SLC24A2: variants seen among roughly 807,000 people sequenced by gnomAD.
SLC24A2 encodes the protein sodium/potassium/calcium exchanger 2.
In SLC24A2, 36 loss-of-function variants were observed where a neutral mutation model predicts 62.0. That is an observed-to-expected ratio of 0.58 (90% CI 0.44 to 0.77). The LOEUF (loss-of-function observed/expected upper bound fraction) is 0.77, where lower values mean the gene tolerates loss of function less well. Among genes scored for constraint, SLC24A2 ranks in the 30% least tolerant of loss-of-function variants. SLC24A2 has a pLI of 0.00. For missense variants in SLC24A2, 846 were observed against 817.9 expected (o/e 1.03, Z -0.42); for synonymous variants, 358 against 294.0 (o/e 1.22, Z -2.23).
the SLC24A2 span, among the ~76,000 whole-genome samples, chr9:20,217,533 G>A: frequency 6.6e-6 from 1 of 152,192 alleles, no homozygotes; most frequent in Non-Finnish European, 1.5e-5. Context: ...ACAAGCTGGT[G>A]CTGGGAGCAG....
the SLC24A2 span, among the ~76,000 whole-genome samples, chr9:20,279,528 T>C: frequency 2.6e-5 from 4 of 152,302 alleles, no homozygotes; most frequent in African/African-American, 7.2e-5. Context: ...TGAAACTCTG[T>C]CTTAAAAAAT....
At chr9:20,040,011 A>AAC in the SLC24A2 span, among the ~76,000 whole-genome samples, 1 of 152,332 alleles carries the variant, frequency 6.6e-6, no homozygotes, top group Non-Finnish European at 1.5e-5. Context: ...TGAGTAACTA[A>AAC]ACACTAACTT....
chr9:20,261,733 CT>C, the SLC24A2 span, among the ~76,000 whole-genome samples: 289 of 75,240 alleles, frequency 3.8e-3, no homozygotes, highest in Middle Eastern at 0.018. Context: ...AACACCAAAT[CT>C]TTTTTTTTTT....
the SLC24A2 span, among the ~76,000 whole-genome samples, chr9:20,202,050 GGTGTGTGTGTGTGT>G: frequency 4.4e-4 from 63 of 141,782 alleles, no homozygotes; most frequent in African/African-American, 7.5e-4. Context: ...CCCATTTCAT[GGTGTGTGTGTGTGT>G]GTGTGTGTGT....
chr9:19,891,048 T>G, the SLC24A2 span, among the ~76,000 whole-genome samples: 1 of 152,230 alleles, frequency 6.6e-6, no homozygotes, highest in Non-Finnish European at 1.5e-5. Flanking sequence ...ACACCTTTGA[T>G]TTCTCTTCTT....
At chr9:19,832,874 G>A in the SLC24A2 span, among the ~76,000 whole-genome samples, 3 of 152,026 alleles carry the variant, frequency 2.0e-5, no homozygotes, top group Admixed American at 6.6e-5. Flanking sequence ...AATCTACAAT[G>A]AACTCAAACA....
At chr9:20,083,059 A>T in the SLC24A2 span, among the ~76,000 whole-genome samples, 5 of 152,174 alleles carry the variant, frequency 3.3e-5, no homozygotes, top group African/African-American at 1.2e-4. Context: ...GGGGTCATTA[A>T]GCATATCTCC....
chr9:20,276,426 T>C, the SLC24A2 span, among the ~76,000 whole-genome samples: 2 of 152,344 alleles, frequency 1.3e-5, no homozygotes, highest in East Asian at 1.9e-4. Context: ...TGGGTTCCCA[T>C]GGTCTTGGGC....
Position 19,627,524 on chromosome 9 carries a change from T to G in SLC24A2, c.931-5225A>C, listed in dbSNP as rs547346127. On this transcript the variant is annotated intron_variant, in intron 2 of 10. Transcript: ENST00000341998. ...TGTAATCAGAGTCTCCAAAATTTCTTGATCATATACCATTATCAGATAGAG... is the reference window on the plus strand; with the variant it reads ...TGTAATCAGAGTCTCCAAAATTTCTGGATCATATACCATTATCAGATAGAG... 2.9e-3 allele frequency among the ~76,000 whole-genome samples: 449 copies of G among 152,250 alleles called. 2 individuals carry two copies. Among genetic ancestry groups the G allele is most frequent in the Non-Finnish European group, 4.5e-3 (306 of 68,010 alleles).
the SLC24A2 span, among the ~76,000 whole-genome samples, chr9:20,001,489 C>T: frequency 2.0e-5 from 3 of 152,184 alleles, no homozygotes; most frequent in African/African-American, 7.2e-5. Context: ...TGAGAATAAG[C>T]ATAACTGTCC....
At chr9:19,836,491 A>G in the SLC24A2 span, among the ~76,000 whole-genome samples, 1 of 152,238 alleles carries the variant, frequency 6.6e-6, no homozygotes, top group African/African-American at 2.4e-5. Flanking sequence ...AAATGGATAA[A>G]TTCCTCAACA....
At chr9:19,870,119 C>A in the SLC24A2 span, among the ~76,000 whole-genome samples, 2 of 152,162 alleles carry the variant, frequency 1.3e-5, no homozygotes, top group African/African-American at 4.8e-5. Context: ...CCACCCCTAT[C>A]TAGTTTTAGA....
the SLC24A2 span, among the ~76,000 whole-genome samples, chr9:20,013,675 T>TCATG: frequency 6.6e-6 from 1 of 152,114 alleles, no homozygotes; most frequent in African/African-American, 2.4e-5. Flanking sequence ...CAGTTGAATA[T>TCATG]CATGTGTCTG....
At chr9:19,829,810 T>TACAC in the SLC24A2 span, among the ~76,000 whole-genome samples, 1,549 of 34,050 alleles carry the variant, frequency 0.045, 23 homozygotes, top group Admixed American at 0.18. Flanking sequence ...TATATATATA[T>TACAC]ACACACACAC....
At chr9:19,578,056 G>T (rs1208266609) in intron 5 of SLC24A2, among the ~76,000 whole-genome samples, 2 of 151,172 alleles carry the variant, frequency 1.3e-5, no homozygotes, top group African/African-American at 4.9e-5. Flanking sequence ...AAAGGCATAA[G>T]AATAATACAA....
In SLC24A2 at chr9:19,788,932, CCCGCCGCTCCAGTCCGCCGGCCCT is replaced by C. The variant is rs1823262809; in HGVS notation, c.-225_-202del. Reference sequence around the variant, plus strand: ...CACACGGCGGGGCCCCCGAGCGCGGCCCGCCGCTCCAGTCCGCCGGCCCTCCGCCTACCCGCTCTGAGGCCCGGG... The same window carrying C: ...CACACGGCGGGGCCCCCGAGCGCGGCCCGCCTACCCGCTCTGAGGCCCGGG... On this transcript the variant is annotated 5_prime_UTR_variant, in exon 1 of 11. Coordinates refer to ENST00000341998, the MANE Select transcript of SLC24A2 (RefSeq NM_020344.4). 1.0e-6 allele frequency: 1 copy of C among 985,172 alleles called. No homozygotes were observed. 61.0% of individuals were successfully genotyped at this position (985,172 alleles called of 1,614,324 possible).
chr9:19,873,739 T>C, the SLC24A2 span, among the ~76,000 whole-genome samples: 10 of 152,130 alleles, frequency 6.6e-5, no homozygotes, highest in African/African-American at 2.2e-4. Context: ...TCATGAGAAT[T>C]TGGAGCCTAC....
intron 2 of SLC24A2, among the ~76,000 whole-genome samples, chr9:19,707,576 C>T (rs1820571120): frequency 2.0e-5 from 3 of 152,262 alleles, no homozygotes; most frequent in South Asian, 4.2e-4. Flanking sequence ...GGGCTTCATC[C>T]CTGGGATGCA....
At chr9:19,851,555 G>A in the SLC24A2 span, among the ~76,000 whole-genome samples, 5 of 152,080 alleles carry the variant, frequency 3.3e-5, no homozygotes, top group Non-Finnish European at 7.4e-5. Context: ...TTCAGCTCCC[G>A]CTTATAAGTG....
Sources: allele counts gnomAD v4.1 joint callset (sites outside exome capture counted in the v4.1 genomes callset), GRCh38; gene constraint gnomAD v4.1.1; transcripts MANE v1.5; gene names NCBI Gene and HGNC (gene_info 2026-07-23, HGNC 2026-07-21).